The following ARHGEF3 variants were observed in gnomAD, a reference collection of about 807,000 sequenced individuals.
ARHGEF3 encodes the protein Rho guanine nucleotide exchange factor 3, also known as 59.8 kDA protein.
In ARHGEF3, 28 loss-of-function variants were observed where a neutral mutation model predicts 63.2. That is an observed-to-expected ratio of 0.44 (90% CI 0.33 to 0.61). The LOEUF (loss-of-function observed/expected upper bound fraction) is 0.61, where lower values mean the gene tolerates loss of function less well. Ranked by LOEUF, ARHGEF3 falls within the 20% of genes least tolerant of loss-of-function variation. The pLI is 0.03. For synonymous variants in ARHGEF3, 266 were observed against 254.2 expected (o/e 1.05, Z -0.44); for missense variants, 533 against 659.3 (o/e 0.81, Z 2.10).
At chr3:57,072,421 C>A in intron 1 of ARHGEF3, among the ~76,000 whole-genome samples, 1 of 149,208 alleles carries the variant, frequency 6.7e-6, no homozygotes, top group South Asian at 2.2e-4. Flanking sequence ...GTTGTTAGCA[C>A]TGTCCAGGCC....
At chr3:56,827,804 C>T (rs2038785050) in intron 4 of ARHGEF3, among the ~76,000 whole-genome samples, 1 of 143,078 alleles carries the variant, frequency 7.0e-6, no homozygotes, top group Non-Finnish European at 1.5e-5. Context: ...CAGGCATGGT[C>T]GCACACTCCC....
chr3:56,990,382 G>A lies in ARHGEF3; in HGVS notation c.63-31493C>T, dbSNP rs538430967. Among the ~76,000 whole-genome samples the A allele has an allele frequency of 9.2e-5, 14 of 152,316 alleles. No individual in the cohort carries two copies. In the East Asian group the frequency reaches 1.7e-3, roughly 19 times the overall value. ...ATGGATCACTTGAGGTCAAGAGTTC[G>A]AGACCAGCCTGGCCAATATGGTGAA... On this transcript the variant is annotated intron_variant, in intron 2 of 12. Transcript: ENST00000338458.
chr3:56,824,533 G>T (rs146827317), intron 4 of ARHGEF3, among the ~76,000 whole-genome samples: 1 of 152,160 alleles, frequency 6.6e-6, no homozygotes, highest in Non-Finnish European at 1.5e-5. Flanking sequence ...ACTTCTTTGA[G>T]GTCAGAGTGA....
At chr3:56,831,362 A>T (rs2038924936) in intron 4 of ARHGEF3, among the ~76,000 whole-genome samples, 1 of 152,174 alleles carries the variant, frequency 6.6e-6, no homozygotes, top group African/African-American at 2.4e-5. Context: ...AAGATCTTCC[A>T]TGCTTATTTA....
At chr3:56,914,172 C>T (rs1244533128) in intron 3 of ARHGEF3, among the ~76,000 whole-genome samples, 1 of 152,180 alleles carries the variant, frequency 6.6e-6, no homozygotes, top group East Asian at 1.9e-4. Flanking sequence ...AAATAGGTTG[C>T]AGTGTATGCT....
At chr3:56,903,234 C>T (rs191401578) in intron 3 of ARHGEF3, among the ~76,000 whole-genome samples, 1 of 152,292 alleles carries the variant, frequency 6.6e-6, no homozygotes, top group Admixed American at 6.5e-5. Flanking sequence ...TGCCATTTCA[C>T]ACTCTGGGAT....
At chr3:57,021,476 G>A (rs541552443) in intron 2 of ARHGEF3, among the ~76,000 whole-genome samples, 140 of 152,222 alleles carry the variant, frequency 9.2e-4, no homozygotes, top group South Asian at 5.0e-3. Flanking sequence ...TTCAGGAAGC[G>A]GCCAGGCGCG....
chr3:56,984,854 C>G (rs1235610322), intron 2 of ARHGEF3, among the ~76,000 whole-genome samples: 3 of 152,098 alleles, frequency 2.0e-5, no homozygotes, highest in Admixed American at 6.6e-5. Flanking sequence ...CGGCCTTGGA[C>G]AGTAGAAAAG....
rs1048629429 is a variant in ARHGEF3 at position 56,742,127 on chromosome 3, C to T, written c.870+3078G>A. Among the ~76,000 whole-genome samples, 3 of 151,680 alleles carry T rather than the reference C, an allele frequency of 2.0e-5. No individual in the cohort carries two copies. The South Asian group carries it at 6.2e-4, about 31-fold the overall frequency. ...CATGAACCAAGAATAGCAGTCTTCA[C>T]GGCTGTTGCATCAAAAGCAGGACTG... is the stretch of plus-strand genomic sequence containing the variant. On this transcript the variant is annotated intron_variant, in intron 7 of 9. Coordinates refer to ENST00000296315, the MANE Select transcript of ARHGEF3 (RefSeq NM_019555.3).
intron 4 of ARHGEF3, among the ~76,000 whole-genome samples, chr3:56,878,806 T>C (rs1372750203): frequency 1.3e-5 from 2 of 152,202 alleles, no homozygotes; most frequent in East Asian, 3.8e-4. Flanking sequence ...AAACATTCTA[T>C]AGGGCCACGG....
At chr3:56,930,105 T>C (rs897379311) in intron 3 of ARHGEF3, among the ~76,000 whole-genome samples, 1 of 152,082 alleles carries the variant, frequency 6.6e-6, no homozygotes, top group East Asian at 1.9e-4. Flanking sequence ...TCAGTCACAG[T>C]TGCACCTTCC....
At chr3:56,991,519 T>C (rs777037453) in intron 2 of ARHGEF3, among the ~76,000 whole-genome samples, 1 of 152,252 alleles carries the variant, frequency 6.6e-6, no homozygotes, top group Non-Finnish European at 1.5e-5. Context: ...GTTAACTTGT[T>C]AAAGATTGAT....
intron 4 of ARHGEF3, among the ~76,000 whole-genome samples, chr3:56,811,396 G>A (rs1474981452): frequency 6.6e-6 from 1 of 152,094 alleles, no homozygotes; most frequent in Non-Finnish European, 1.5e-5. Flanking sequence ...GGGGGTGGGG[G>A]CATGGGCAGA....
intron 1 of ARHGEF3, among the ~76,000 whole-genome samples, chr3:56,793,331 G>A (rs1021120825): frequency 2.6e-5 from 4 of 152,090 alleles, no homozygotes; most frequent in East Asian, 1.9e-4. Flanking sequence ...CACCGCGCCC[G>A]GCTAATTTTT....
chr3:57,028,135 G>A (rs1207184513), intron 2 of ARHGEF3, among the ~76,000 whole-genome samples: 261 of 150,764 alleles, frequency 1.7e-3, no homozygotes, highest in Non-Finnish European at 1.5e-3. Context: ...TCAGTGTGGC[G>A]ATTCCTCAGG....
At chr3:56,967,335 TGTAC>T (rs1223377113) in intron 2 of ARHGEF3, among the ~76,000 whole-genome samples, 1 of 76,108 alleles carries the variant, frequency 1.3e-5, no homozygotes, top group East Asian at 3.7e-4. Flanking sequence ...TATTATATAT[TGTAC>T]ATATCATATA....
intron 4 of ARHGEF3, among the ~76,000 whole-genome samples, chr3:56,869,004 A>G (rs2040347615): frequency 6.6e-6 from 1 of 152,220 alleles, no homozygotes; most frequent in South Asian, 2.1e-4. Context: ...ATTCTAAAAC[A>G]ATATTTTCTT....
intron 2 of ARHGEF3, among the ~76,000 whole-genome samples, chr3:56,991,728 C>A (rs1303482410): frequency 1.3e-5 from 2 of 152,158 alleles, no homozygotes; most frequent in South Asian, 2.1e-4. Flanking sequence ...AATTCTCCCA[C>A]CTCCGCCTCC....
At chr3:57,062,713 C>A (rs1356447654) in intron 1 of ARHGEF3, among the ~76,000 whole-genome samples, 2 of 152,136 alleles carry the variant, frequency 1.3e-5, no homozygotes, top group Non-Finnish European at 2.9e-5. Context: ...CACACACACA[C>A]ACACACAACA....
Sources: allele counts gnomAD v4.1 joint callset (sites outside exome capture counted in the v4.1 genomes callset), GRCh38; gene constraint gnomAD v4.1.1; transcripts MANE v1.5; gene names NCBI Gene and HGNC (gene_info 2026-07-23, HGNC 2026-07-21).